HDAC9: variants seen among roughly 807,000 people sequenced by gnomAD.
The protein encoded by HDAC9 is MEF-2 interacting transcription repressor (MITR) protein.
HDAC9 carries 41 observed loss-of-function variants against 139.4 expected under a neutral mutation model. The ratio of observed to expected loss-of-function variants is 0.29; its 90% CI spans 0.23 to 0.38. HDAC9 has a LOEUF of 0.38. Among genes scored for constraint, HDAC9 ranks in the 10% least tolerant of loss-of-function variants. The pLI is 1.00. For synonymous variants in HDAC9, 517 were observed against 476.2 expected, an observed-to-expected ratio of 1.09 and a Z score of -1.12; for missense variants, 1,147 against 1,297.0, an observed-to-expected ratio of 0.88 and a Z score of 1.78.
chr7:18,856,330 C>T (rs1797677051), intron 21 of HDAC9, among the ~76,000 whole-genome samples: 1 of 152,016 alleles, frequency 6.6e-6, no homozygotes, highest in Non-Finnish European at 1.5e-5. Context: ...GATTTTTTAA[C>T]TGCAAATCAA....
intron 1 of HDAC9, among the ~76,000 whole-genome samples, chr7:18,329,730 A>G (rs1481677341): frequency 6.6e-6 from 1 of 151,684 alleles, no homozygotes; most frequent in Non-Finnish European, 1.5e-5. Flanking sequence ...GATCCAGATT[A>G]TGTCTTTTGA....
At chr7:18,668,092 T>G in intron 12 of HDAC9, 3 of 959,748 alleles carry the variant, frequency 3.1e-6, no homozygotes, top group Non-Finnish European at 3.7e-6. Flanking sequence ...TTGTTTACAT[T>G]TTGCTGTGAC....
At chr7:18,116,880 A>G (rs1478730475) in intron 1 of HDAC9, among the ~76,000 whole-genome samples, 1 of 152,210 alleles carries the variant, frequency 6.6e-6, no homozygotes, top group African/African-American at 2.4e-5. Flanking sequence ...TAAATTTGAT[A>G]CAGTGAGTGG....
At chr7:18,975,118 G>T (rs188903868) in intron 24 of HDAC9, among the ~76,000 whole-genome samples, 4 of 152,196 alleles carry the variant, frequency 2.6e-5, no homozygotes, top group Admixed American at 2.6e-4. Context: ...CCATTGGCAT[G>T]TTCTCATGAA....
intron 2 of HDAC9, among the ~76,000 whole-genome samples, chr7:18,515,876 A>C (rs1337005782): frequency 6.6e-6 from 1 of 152,192 alleles, no homozygotes; most frequent in Non-Finnish European, 1.5e-5. Flanking sequence ...TTTGCACTTT[A>C]AATGTTCTAG....
At chr7:18,774,517 C>T (rs2129166835) in intron 16 of HDAC9, among the ~76,000 whole-genome samples, 1 of 152,042 alleles carries the variant, frequency 6.6e-6, no homozygotes, top group African/African-American at 2.4e-5. Context: ...TTTATACTGT[C>T]CTGTAGTCTA....
intron 12 of HDAC9, among the ~76,000 whole-genome samples, chr7:18,701,856 C>T (rs989001303): frequency 6.6e-5 from 10 of 152,268 alleles, no homozygotes; most frequent in East Asian, 3.9e-4. Context: ...ATATTGGAGA[C>T]GCACTTGGAT....
At chr7:18,636,291 G>GC (rs1056706317) in intron 8 of HDAC9, among the ~76,000 whole-genome samples, 1 of 151,992 alleles carries the variant, frequency 6.6e-6, no homozygotes, top group Non-Finnish European at 1.5e-5. Flanking sequence ...TCCCCTGCCA[G>GC]CCCCCCCTGC....
chr7:18,290,515 G>A, exon 1 of HDAC9: 1 of 456,506 alleles, frequency 2.2e-6, no homozygotes, highest in Non-Finnish European at 4.4e-6. Context: ...CAACAAAACG[G>A]GTAAGTTTCT....
At position 18,745,877 on chromosome 7, in the gene HDAC9, C is replaced by G. The variant is rs574279128; in HGVS notation, c.1910-3128C>G. 3.5e-3 allele frequency among the ~76,000 whole-genome samples: 451 copies of G among 128,506 alleles called. 3 individuals are homozygous for G. Among genetic ancestry groups the G allele is most frequent in the African/African-American group, 0.012 (427 of 34,942 alleles). The allele number at this position is 128,506 out of a possible 152,430, so 84.3% of individuals were successfully genotyped here. A position where few individuals can be genotyped will look rare whatever the true frequency, so the allele number is the denominator to read the frequency against. On this transcript the variant is annotated intron_variant, in intron 13 of 25. Coordinates refer to ENST00000686413, the MANE Select transcript of HDAC9 (RefSeq NM_178425.4). The stretch of plus-strand genomic sequence containing the variant: ...TCTACTCTTGAAGAATATATTTCTT[C>G]TTCTTCTTTTTTTTTTTTTTTTTTT...
rs1485280896 is a variant in HDAC9, at chr7:18,935,935, G to A, written c.2930G>A (p.Gly977Glu). 1.2e-6 allele frequency: 2 copies of A among 1,612,204 alleles called. No homozygotes were observed. Among genetic ancestry groups the A allele is most frequent in the Admixed American group, 3.3e-5 (2 of 59,910 alleles). ...GAAGCCTGTGTAAATGCCCTTCTAG[G>A]AAATGAGGTAAAAAAGTAAAAGTAC... Reference protein sequence around the residue: ...ASEACVNALLGNELEPLAEDI... With the variant: ...ASEACVNALLENELEPLAEDI... The change falls in exon 23 of 26, where the codon GGA (glycine) becomes GAA (glutamate). Residue 977 changes from glycine (G) to glutamate (E), a missense_variant. Around this residue, in one of 7 missense-constraint regions of HDAC9, gnomAD observed 407 missense variants for 521.5 expected, o/e 0.78. Coordinates refer to ENST00000686413, the MANE Select transcript of HDAC9 (RefSeq NM_178425.4).
chr7:18,511,017 G>A (rs1359420446), intron 2 of HDAC9, among the ~76,000 whole-genome samples: 6 of 152,106 alleles, frequency 3.9e-5, no homozygotes, highest in East Asian at 1.9e-4. Context: ...TAATAAAACC[G>A]AATTTTACAG....
At chr7:18,613,759 TAAA>T (rs1562580560) in intron 6 of HDAC9, among the ~76,000 whole-genome samples, 5 of 152,266 alleles carry the variant, frequency 3.3e-5, no homozygotes, top group African/African-American at 1.2e-4. Context: ...TGGTCTCTTC[TAAA>T]TCAGTGTTCT....
At chr7:18,890,523 T>C (rs1179338325) in intron 22 of HDAC9, among the ~76,000 whole-genome samples, 1 of 152,212 alleles carries the variant, frequency 6.6e-6, no homozygotes, top group Non-Finnish European at 1.5e-5. Context: ...ACAGGTTTAA[T>C]AATATTTGGG....
intron 16 of HDAC9, among the ~76,000 whole-genome samples, chr7:18,769,454 G>T (rs1790100198): frequency 6.6e-6 from 1 of 152,120 alleles, no homozygotes; most frequent in African/African-American, 2.4e-5. Flanking sequence ...GGGTAGGCCA[G>T]CAGAGGCAGG....
chr7:18,464,070 T>C (rs918323910), intron 1 of HDAC9, among the ~76,000 whole-genome samples: 1 of 151,414 alleles, frequency 6.6e-6, no homozygotes, highest in Non-Finnish European at 1.5e-5. Context: ...GCATGTCTGT[T>C]TGTCTATTTG....
chr7:18,225,215 G>A (rs574163161), intron 2 of HDAC9, among the ~76,000 whole-genome samples: 1 of 152,166 alleles, frequency 6.6e-6, no homozygotes, highest in Non-Finnish European at 1.5e-5. Flanking sequence ...GCACATTTCT[G>A]AAGCTTTATT....
At position 18,555,769 on chromosome 7, in the gene HDAC9, A is replaced by G. The variant is rs184162856; in HGVS notation, c.23-29512A>G. ...TTTTAAAAAACAAGGAATCGAAAAT[A>G]ATTTAAATGTTCATTAGTAACATAT... On this transcript the variant is annotated intron_variant, in intron 2 of 25. Coordinates refer to ENST00000686413, the MANE Select transcript of HDAC9 (RefSeq NM_178425.4). Among the ~76,000 whole-genome samples, 531 of 152,216 alleles carry G rather than the reference A, an allele frequency of 3.5e-3. 6 individuals carry two copies. Among genetic ancestry groups the G allele is most frequent in the Non-Finnish European group, 3.1e-3 (210 of 67,938 alleles).
intron 1 of HDAC9, among the ~76,000 whole-genome samples, chr7:18,429,543 G>A (rs1790442008): frequency 1.3e-5 from 2 of 149,820 alleles, no homozygotes; most frequent in African/African-American, 5.0e-5. Context: ...CTCTGTGTGT[G>A]TGTATTTGTG....
Sources: allele counts gnomAD v4.1 joint callset (sites outside exome capture counted in the v4.1 genomes callset), GRCh38; gene constraint gnomAD v4.1.1; regional missense constraint gnomAD v4.1.1; transcripts MANE v1.5; gene names NCBI Gene and HGNC (gene_info 2026-07-23, HGNC 2026-07-21).